The following APOO variants were observed in gnomAD, a reference collection of about 807,000 sequenced individuals.
APOO encodes MICOS complex subunit MIC26.
APOO carries 11 observed loss-of-function variants against 23.1 expected under a neutral mutation model. The observed-to-expected ratio is 0.48, with a 90% CI of 0.30 to 0.79. The LOEUF (loss-of-function observed/expected upper bound fraction) is 0.79. Ranked by LOEUF, APOO falls within the 30% of genes least tolerant of loss-of-function variation. The pLI is 0.07. For synonymous variants in APOO, 59 were observed against 54.8 expected (o/e 1.08, Z -0.34); for missense variants, 160 against 142.7 (o/e 1.12, Z -0.62).
chrX:23,840,914 C>T (rs1015528927), intron 7 of APOO: 4 of 112,072 alleles, frequency 3.6e-5, no homozygotes, highest in African/African-American at 1.3e-4. Context: ...TGCCCAGTGG[C>T]CCTCCGGGAA....
chrX:23,878,832 T>A, intron 3 of APOO, 83 bp downstream of exon 3: 1 of 1,111,153 alleles, frequency 9.0e-7, no homozygotes, highest in Non-Finnish European at 1.2e-6. Flanking sequence ...CATGCCTTTT[T>A]CCAAAAACAT....
chrX:23,842,663 T>C (rs1427707500), intron 7 of APOO, among the ~76,000 whole-genome samples: 2 of 110,980 alleles, frequency 1.8e-5, no homozygotes, highest in African/African-American at 6.6e-5. Flanking sequence ...AAAAAAGGCT[T>C]ATAAGGGCCA....
At chrX:23,887,030 C>T (rs1181652171) in intron 1 of APOO, among the ~76,000 whole-genome samples, 1 of 109,974 alleles carries the variant, frequency 9.1e-6, no homozygotes, top group Non-Finnish European at 1.9e-5. Context: ...ACACAATCAA[C>T]TTTCAGGGTC....
chrX:23,862,775 G>GAAAGA (rs1402421530), intron 5 of APOO, among the ~76,000 whole-genome samples: 2 of 94,021 alleles, frequency 2.1e-5, no homozygotes, highest in Non-Finnish European at 4.2e-5. Flanking sequence ...TCATCTCTCA[G>GAAAGA]AAAGAAAAGA....
At chrX:23,853,530 G>A (rs7889447) in intron 7 of APOO, among the ~76,000 whole-genome samples, 30,875 of 109,115 alleles carry the variant, frequency 0.28, 3,238 homozygotes, top group South Asian at 0.41. Flanking sequence ...GGATGGTCTC[G>A]ATCTCCTGAC....
At chrX:23,876,046 G>A (rs916379224) in intron 3 of APOO, among the ~76,000 whole-genome samples, 10 of 109,479 alleles carry the variant, frequency 9.1e-5, no homozygotes, top group Non-Finnish European at 1.1e-4. Context: ...GGTGGATCAC[G>A]AAGTCAGGAG....
chrX:23,862,809 C>T (rs1401059716), intron 5 of APOO, among the ~76,000 whole-genome samples: 7 of 84,598 alleles, frequency 8.3e-5, no homozygotes, highest in Non-Finnish European at 1.6e-4. Context: ...GAGAAAGGGA[C>T]GGGACGAGAA....
chrX:23,850,532 A>T (rs1407107031), intron 7 of APOO, among the ~76,000 whole-genome samples: 1 of 112,001 alleles, frequency 8.9e-6, no homozygotes, highest in Non-Finnish European at 1.9e-5. Context: ...GTATTTTCCC[A>T]TAAAGAAAAT....
chrX:23,871,920 G>T (rs1263281354), intron 4 of APOO, among the ~76,000 whole-genome samples: 1 of 111,973 alleles, frequency 8.9e-6, no homozygotes, highest in South Asian at 3.7e-4. Context: ...TGGGAAATGT[G>T]ATCATTTTAA....
chrX:23,894,807 G>T (rs2147043559), intron 1 of APOO, among the ~76,000 whole-genome samples: 1 of 108,500 alleles, frequency 9.2e-6, no homozygotes, highest in East Asian at 2.9e-4. Context: ...AAAAAAAAAA[G>T]TAAAGAAAAT....
intron 5 of APOO, among the ~76,000 whole-genome samples, chrX:23,867,703 C>T (rs1459199391): frequency 2.7e-5 from 3 of 111,076 alleles, no homozygotes; most frequent in Non-Finnish European, 3.8e-5. Context: ...CCACCACACC[C>T]GGCTAATTTT....
At chrX:23,850,026 C>T (rs1924459398) in intron 7 of APOO, among the ~76,000 whole-genome samples, 2 of 111,540 alleles carry the variant, frequency 1.8e-5, no homozygotes. Flanking sequence ...AGTACAATAA[C>T]GGTATTGTGA....
intron 5 of APOO, among the ~76,000 whole-genome samples, chrX:23,860,278 C>T (rs1156321671): frequency 1.8e-5 from 2 of 110,485 alleles, no homozygotes; most frequent in East Asian, 5.7e-4. Flanking sequence ...AGGACAAACG[C>T]AAGTCCGATG....
chrX:23,887,981 G>A (rs960049544), intron 1 of APOO, among the ~76,000 whole-genome samples: 1 of 111,998 alleles, frequency 8.9e-6, no homozygotes, highest in Non-Finnish European at 1.9e-5. Flanking sequence ...CAGAGAAAAC[G>A]AAAATTTGGC....
At chrX:23,840,893 C>T (rs960548084) in intron 7 of APOO, 1 of 111,972 alleles carries the variant, frequency 8.9e-6, no homozygotes, top group Non-Finnish European at 1.9e-5. Flanking sequence ...GAAGTTAGAC[C>T]ACACCCATTC....
chrX:23,862,672 C>A (rs1282780056), intron 5 of APOO, among the ~76,000 whole-genome samples: 4 of 104,193 alleles, frequency 3.8e-5, no homozygotes, highest in African/African-American at 1.4e-4. Flanking sequence ...ACTCAGGAGG[C>A]TGAGATGGGA....
intron 1 of APOO, among the ~76,000 whole-genome samples, chrX:23,907,302 T>C (rs1281061183): frequency 2.8e-5 from 3 of 106,738 alleles, no homozygotes; most frequent in Non-Finnish European, 5.8e-5. Flanking sequence ...ACACATCAGG[T>C]TCTGAAACCT....
At chrX:23,862,073 G>A (rs1412193451) in intron 5 of APOO, among the ~76,000 whole-genome samples, 1 of 110,657 alleles carries the variant, frequency 9.0e-6, no homozygotes, top group African/African-American at 3.3e-5. Flanking sequence ...CAAAGTGCTG[G>A]GATTACAGGT....
Position 23,870,046 on chromosome X carries a change from T to C in APOO, c.293-1358A>G, listed in dbSNP as rs192332401. Among the ~76,000 whole-genome samples the C allele has an allele frequency of 3.6e-4, 40 of 111,215 alleles. No homozygotes were observed. In the Admixed American group the frequency reaches 3.7e-3, roughly 10 times the overall value. On this transcript the variant is annotated intron_variant, in intron 4 of 8. Coordinates refer to ENST00000379226, the MANE Select transcript of APOO (RefSeq NM_024122.5). ...TCATTACTCGAACAGAAGAACAGAA[T>C]AAATTTGGATAATAAAGGAAACTTG...
Sources: allele counts gnomAD v4.1 joint callset (sites outside exome capture counted in the v4.1 genomes callset), GRCh38; gene constraint gnomAD v4.1.1; transcripts MANE v1.5; gene names NCBI Gene and HGNC (gene_info 2026-07-23, HGNC 2026-07-21).